Variants in TTC23L observed in about 807,000 individuals in gnomAD.
The protein encoded by TTC23L is tetratricopeptide repeat domain 23 like.
TTC23L carries 42 observed loss-of-function variants against 48.1 expected under a neutral mutation model. The observed-to-expected ratio is 0.87, with a 90% CI of 0.68 to 1.13. The LOEUF (loss-of-function observed/expected upper bound fraction) is 1.13, where lower values mean the gene tolerates loss of function less well. Among genes scored for constraint, TTC23L ranks in the 50% most tolerant of loss-of-function variants. TTC23L has a pLI of 0.00. For synonymous variants in TTC23L, 159 were observed against 157.2 expected (o/e 1.01, Z -0.09); for missense variants, 391 against 421.0 (o/e 0.93, Z 0.62).
the TTC23L span, among the ~76,000 whole-genome samples, chr5:34,919,159 C>T: frequency 6.7e-6 from 1 of 150,098 alleles, no homozygotes; most frequent in Non-Finnish European, 1.5e-5. Context: ...GCCTGCAGTC[C>T]CAGCTACTCA....
the TTC23L span, chr5:34,915,026 T>G: frequency 1.1e-6 from 1 of 907,018 alleles, no homozygotes; most frequent in South Asian, 1.6e-5. Context: ...CCACCTGCGC[T>G]GAGAGGTGGA....
intron 7 of TTC23L, chr5:34,868,548 GATTTAC>G: frequency 5.6e-6 from 1 of 178,578 alleles, no homozygotes; most frequent in Non-Finnish European, 1.2e-5. Flanking sequence ...TATTATCCCT[GATTTAC>G]ATTTACAAGA....
chr5:34,880,288 G>T lies in TTC23L; in HGVS notation c.1057G>T (p.Val353Phe), dbSNP rs61736218. The change falls in exon 9 of 11, where the codon GTC (valine) becomes TTC (phenylalanine). Residue 353 changes from valine (V) to phenylalanine (F), a missense_variant. By Grantham distance (50) the Val-to-Phe change is conservative (BLOSUM62 -1). Transcript: ENST00000505624. ...CACTGAAGAATTTTGCAAATGGCTT[G>T]TCCAAAATGGAGAAAAACAGGTAAA... The T allele has an allele frequency of 4.5e-5, 72 of 1,610,898 alleles. No individual in the cohort carries two copies. The highest frequency in any genetic ancestry group is 5.1e-5 in the Non-Finnish European group (60 of 1,179,152).
chr5:34,889,435 G>C (rs555993839), intron 9 of TTC23L, among the ~76,000 whole-genome samples: 1 of 152,154 alleles, frequency 6.6e-6, no homozygotes, highest in African/African-American at 2.4e-5. Flanking sequence ...GCTGATAATT[G>C]GTCCCCTTCT....
chr5:34,908,732 A>T, the TTC23L span: 5 of 1,528,596 alleles, frequency 3.3e-6, no homozygotes, highest in Non-Finnish European at 4.4e-6. Flanking sequence ...ATCTATCATA[A>T]ATGTACACAT....
chr5:34,915,072 G>C, the TTC23L span: 13 of 611,206 alleles, frequency 2.1e-5, no homozygotes, highest in Middle Eastern at 3.8e-4. Flanking sequence ...TGACCAGGCC[G>C]AACCCCACCT....
chr5:34,896,972 G>A (rs1250949139), intron 10 of TTC23L, 97 bp downstream of exon 10: 4 of 521,030 alleles, frequency 7.7e-6, no homozygotes, highest in East Asian at 2.9e-5. Flanking sequence ...TCTGGGGGAG[G>A]AAGAAAGGCT....
chr5:34,844,567 T>G (rs1164862188), intron 2 of TTC23L, among the ~76,000 whole-genome samples: 2 of 152,182 alleles, frequency 1.3e-5, no homozygotes, highest in African/African-American at 4.8e-5. Context: ...GAATTTTCTT[T>G]TTATTTAAAC....
At chr5:34,902,138 A>C (rs1202910934), downstream of TTC23L, among the ~76,000 whole-genome samples, 2 of 152,056 alleles carry the variant, frequency 1.3e-5, no homozygotes, top group Admixed American at 1.3e-4. Context: ...AATACAGCTC[A>C]AATGGCCGGG....
chr5:34,855,020 G>A (rs1207905616), intron 4 of TTC23L, among the ~76,000 whole-genome samples: 2 of 152,172 alleles, frequency 1.3e-5, no homozygotes, highest in Admixed American at 1.3e-4. Context: ...TGGGTAGGTG[G>A]AAGAAGGGGT....
chr5:34,897,237 T>C (rs1312685254), intron 10 of TTC23L, among the ~76,000 whole-genome samples: 2 of 151,742 alleles, frequency 1.3e-5, no homozygotes, highest in African/African-American at 4.8e-5. Context: ...TACAAAAAAT[T>C]AGCCGGGCGT....
intron 9 of TTC23L, among the ~76,000 whole-genome samples, chr5:34,887,969 G>A (rs1416734089): frequency 1.3e-5 from 2 of 152,196 alleles, no homozygotes; most frequent in Non-Finnish European, 2.9e-5. Context: ...TGCAGTAGAT[G>A]GAATGCTTGT....
At chr5:34,923,593 G>T in the TTC23L span, among the ~76,000 whole-genome samples, 1 of 151,712 alleles carries the variant, frequency 6.6e-6, no homozygotes, top group Non-Finnish European at 1.5e-5. Flanking sequence ...TTTTTTTTTA[G>T]AGATAGAGTG....
At chr5:34,882,935 G>A (rs1019790018) in intron 9 of TTC23L, 2 of 152,568 alleles carry the variant, frequency 1.3e-5, no homozygotes, top group Admixed American at 6.5e-5. Context: ...AGCTACATGG[G>A]AGACTGAGGC....
chr5:34,839,504 A>G, intron 1 of TTC23L: 1 of 395,330 alleles, frequency 2.5e-6, no homozygotes, highest in African/African-American at 2.2e-5. Context: ...TGAGGGGCTC[A>G]GGGCCGTGCG....
chr5:34,911,885 T>C, the TTC23L span: 4 of 1,513,618 alleles, frequency 2.6e-6, no homozygotes, highest in Admixed American at 4.2e-5. Context: ...AAATGATACA[T>C]AAAATTTCTC....
the TTC23L span, among the ~76,000 whole-genome samples, chr5:34,911,247 T>C: frequency 6.6e-6 from 1 of 152,122 alleles, no homozygotes; most frequent in African/African-American, 2.4e-5. Flanking sequence ...TTAAACCCAA[T>C]TTTCCTCATG....
chr5:34,920,059 A>G, the TTC23L span: 47 of 424,808 alleles, frequency 1.1e-4, no homozygotes, highest in Middle Eastern at 6.3e-3. Flanking sequence ...TTAGTGCTTC[A>G]TTCATTTCTG....
At chr5:34,868,619 A>G (rs776842238) in intron 7 of TTC23L, 6 of 277,022 alleles carry the variant, frequency 2.2e-5, no homozygotes, top group Non-Finnish European at 4.3e-5. Context: ...TTATGACTTT[A>G]TTTTTGCTAT....
Sources: allele counts gnomAD v4.1 joint callset (sites outside exome capture counted in the v4.1 genomes callset), GRCh38; gene constraint gnomAD v4.1.1; transcripts MANE v1.5; gene names NCBI Gene and HGNC (gene_info 2026-07-23, HGNC 2026-07-21).